Variants in SH3D21 observed in about 807,000 individuals in gnomAD.
SH3D21 encodes manchette microtubule inner protein 1.
Under a neutral mutation model 82.1 loss-of-function variants are expected in SH3D21, and 83 were observed. That is an observed-to-expected ratio of 1.01 (90% CI 0.85 to 1.21). The LOEUF is 1.21. Ranked by LOEUF, SH3D21 falls within the 50% of genes most tolerant of loss-of-function variation. The pLI is 0.00. For missense variants in SH3D21, 980 were observed against 962.1 expected (o/e 1.02, Z -0.25); for synonymous variants, 383 against 387.8 (o/e 0.99, Z 0.15).
rs776845403 is a variant in SH3D21, at chr1:36,320,605, C to A, written c.1942C>A (p.Pro648Thr). 1 of 1,614,234 alleles carries A rather than the reference C, an allele frequency of 6.2e-7. No homozygotes were observed. The highest frequency in any genetic ancestry group is 8.5e-7 in the Non-Finnish European group (1 of 1,180,038). The stretch of plus-strand genomic sequence containing the variant: ...AGTGGCTCCAAAAGAGGAGGTGCCC[C>A]CCATAGAAAGAGCCTTTGCCCAAAA... ...EEVAPKEEVP[P>T]IERAFAQKTR... The change falls in exon 14 of 16, where the codon CCC becomes ACC. Residue 648 changes from proline to threonine, a missense_variant. Transcript: ENST00000453908.
chr1:36,326,764 A>G (rs930872203), downstream of SH3D21, among the ~76,000 whole-genome samples: 1 of 152,184 alleles, frequency 6.6e-6, no homozygotes, highest in Non-Finnish European at 1.5e-5. Context: ...GGTGTTCTGA[A>G]GGGAGTTCCT....
At chr1:36,322,593 TCCCGGCGCTGAGCCGGGC>T, downstream of SH3D21, 1 of 1,548,062 alleles carries the variant, frequency 6.5e-7, no homozygotes, top group Non-Finnish European at 8.7e-7. Flanking sequence ...GCTGCGGGGG[TCCCGGCGCTGAGCCGGGC>T]CCCGGGGCCG....
chr1:36,327,720 G>A (rs1254514156), downstream of SH3D21: 6 of 1,212,618 alleles, frequency 4.9e-6, no homozygotes, highest in Admixed American at 1.2e-4. Context: ...TCTTCTCCAG[G>A]GGCTTGCCGT....
chr1:36,329,849 A>C (rs955085736), downstream of SH3D21, among the ~76,000 whole-genome samples: 3 of 152,132 alleles, frequency 2.0e-5, no homozygotes, highest in African/African-American at 7.2e-5. Flanking sequence ...AGAAAGAATA[A>C]CCAGTGCAGA....
downstream of SH3D21, chr1:36,321,716 C>T (rs1646467259): frequency 2.0e-6 from 2 of 1,013,990 alleles, no homozygotes; most frequent in Non-Finnish European, 1.2e-6. This position sits in a 1 kb window ranked among gnomAD's most constrained non-coding sequence, Gnocchi z 6.1. Flanking sequence ...GTGTGTGTGT[C>T]ATTGCAGTGT....
chr1:36,327,931 C>T (rs750419247), downstream of SH3D21: 13 of 1,204,250 alleles, frequency 1.1e-5, no homozygotes, highest in Admixed American at 2.3e-5. Context: ...CGTGGGTCAG[C>T]CCAGCCACCC....
rs1003971259 is a variant in SH3D21 at position 36,306,793 on chromosome 1, G to A, written c.162+38G>A. 2 of 1,291,532 alleles carry A rather than the reference G, an allele frequency of 1.5e-6. No homozygotes were observed. Among genetic ancestry groups the A allele is most frequent in the African/African-American group, 1.5e-5 (1 of 64,690 alleles). The allele number at this position is 1,291,532 out of a possible 1,614,324, so 80.0% of individuals were successfully genotyped here. On this transcript the variant is annotated intron_variant, in intron 2 of 15. Coordinates refer to ENST00000453908, the MANE Select transcript of SH3D21 (RefSeq NM_001162530.2). The surrounding 1 kb of genome is among the most constrained non-coding windows in gnomAD (Gnocchi z 4.5). ...CAGGGGCGGGCTGTGGGGTCTCAGCGCGCGCCCCCCGGGAGCTGAGAGCGC... is the reference window on the plus strand; with the variant it reads ...CAGGGGCGGGCTGTGGGGTCTCAGCACGCGCCCCCCGGGAGCTGAGAGCGC...
downstream of SH3D21, chr1:36,327,918 G>T: frequency 7.9e-7 from 1 of 1,270,060 alleles, no homozygotes; most frequent in African/African-American, 1.5e-5. Context: ...CCACCAGCCT[G>T]TCCGTGGGTC....
At position 36,319,781 on chromosome 1, in the gene SH3D21, G is replaced by A. The variant is rs1191799209; in HGVS notation, c.1118G>A (p.Ser373Asn). 6.2e-7 allele frequency: 1 copy of A among 1,613,360 alleles called. No individual in the cohort carries two copies. The highest frequency in any genetic ancestry group is 1.1e-5 in the South Asian group (1 of 91,018). ...ERPPAPENAPSSKKIPAPDKV... is the reference protein window; with the variant it reads ...ERPPAPENAPNSKKIPAPDKV... ...CCCCCAGCTCCAGAGAACGCCCCCAGCTCCAAGAAGATCCCGGCTCCTGAC... is the reference window on the plus strand; with the variant it reads ...CCCCCAGCTCCAGAGAACGCCCCCAACTCCAAGAAGATCCCGGCTCCTGAC... Residue 373 changes from serine to asparagine, a missense_variant, in exon 14 of 16, where the codon AGC (serine) becomes AAC (asparagine). Coordinates refer to ENST00000453908, the MANE Select transcript of SH3D21 (RefSeq NM_001162530.2).
chr1:36,322,150 G>T (rs565550754), downstream of SH3D21: 27 of 1,355,680 alleles, frequency 2.0e-5, no homozygotes, highest in African/African-American at 3.2e-4. Context: ...CAGGACTGGG[G>T]AAGGGAGCCT....
downstream of SH3D21, chr1:36,322,577 G>T (rs749064456): frequency 1.9e-6 from 3 of 1,582,086 alleles, no homozygotes; most frequent in Non-Finnish European, 2.6e-6. Context: ...CGGGCTCCAG[G>T]GTGCTGCTGC....
chr1:36,317,856 G>A (rs186795221), intron 10 of SH3D21, among the ~76,000 whole-genome samples: 374 of 152,274 alleles, frequency 2.5e-3, no homozygotes, highest in Non-Finnish European at 2.7e-3. Flanking sequence ...GGGCCACCGC[G>A]CCTAGCCCCT....
downstream of SH3D21, chr1:36,327,870 C>T: frequency 7.8e-7 from 1 of 1,290,028 alleles, no homozygotes; most frequent in Non-Finnish European, 1.0e-6. Flanking sequence ...CCCTCCCCAC[C>T]CCCTGCCTAG....
At chr1:36,318,232 G>C (rs1300314385) in intron 10 of SH3D21, among the ~76,000 whole-genome samples, 2 of 152,172 alleles carry the variant, frequency 1.3e-5, no homozygotes, top group African/African-American at 4.8e-5. Flanking sequence ...TGGGGACTGT[G>C]GGGAAAGGGG....
At chr1:36,330,041 G>A (rs916214165), downstream of SH3D21, among the ~76,000 whole-genome samples, 4 of 152,124 alleles carry the variant, frequency 2.6e-5, no homozygotes, top group Admixed American at 1.3e-4. Context: ...TCCAGGATGC[G>A]GTCAGAACAC....
chr1:36,322,587 C>CGG (rs1570412080), downstream of SH3D21: 4 of 1,569,616 alleles, frequency 2.5e-6, no homozygotes, highest in Non-Finnish European at 3.4e-6. Context: ...GGTGCTGCTG[C>CGG]GGGGGTCCCG....
At position 36,321,156 on chromosome 1, in the gene SH3D21, G is replaced by T. The variant is rs1646455514; in HGVS notation, c.*29G>T. 2 of 1,603,230 alleles carry T rather than the reference G, an allele frequency of 1.2e-6. No homozygotes were observed. Among genetic ancestry groups the T allele is most frequent in the African/African-American group, 1.3e-5 (1 of 74,846 alleles). On this transcript the variant is annotated 3_prime_UTR_variant, in exon 16 of 16. Coordinates refer to ENST00000453908, the MANE Select transcript of SH3D21 (RefSeq NM_001162530.2). The surrounding 1 kb of genome is among the most constrained non-coding windows in gnomAD (Gnocchi z 6.1). ...TGGGCCTGGGAAGGGACCGCGGCCT[G>T]ACCTGGCTGGGGCCACCCACGTCCT...
At position 36,321,216 on chromosome 1, in the gene SH3D21, T is replaced by G. The variant is rs2124701558; in HGVS notation, c.*89T>G. ...CTTTGGGAAACGCGAGAAAGTAAAC[T>G]CTGCCTAGCACGGCGCCACGCCGGT... is the stretch of plus-strand genomic sequence containing the variant. On this transcript the variant is annotated 3_prime_UTR_variant, in exon 16 of 16. Transcript: ENST00000453908. The surrounding 1 kb of genome is among the most constrained non-coding windows in gnomAD (Gnocchi z 6.1). 1 of 1,529,892 alleles carries G rather than the reference T, an allele frequency of 6.5e-7. No individual in the cohort carries two copies. The highest frequency in any genetic ancestry group is 2.4e-5 in the East Asian group (1 of 41,098). The allele number at this position is 1,529,892 out of a possible 1,614,324, so 94.8% of individuals were successfully genotyped here.
At chr1:36,322,722 T>C, downstream of SH3D21, 1 of 1,545,314 alleles carries the variant, frequency 6.5e-7, no homozygotes. Context: ...GCTCTCGGGG[T>C]TGGCTGCGGG....
Sources: gnomAD v4.1 joint callset for allele counts (sites outside exome capture counted in the v4.1 genomes callset) on GRCh38, gnomAD v4.1.1 for gene constraint, Gnocchi (gnomAD v3.1) non-coding constraint, MANE v1.5 for transcripts, NCBI Gene and HGNC (gene_info 2026-07-23, HGNC 2026-07-21) for gene names.